Variants in PLPP3 observed in about 807,000 individuals in gnomAD.
The protein encoded by PLPP3 is phospholipid phosphatase 3, also known as PAP2 beta.
A neutral mutation model predicts 29.6 loss-of-function variants in PLPP3; 6 were observed. That is an observed-to-expected ratio of 0.20 (90% CI 0.11 to 0.40). PLPP3 has a LOEUF of 0.40. PLPP3 is among the 10% of genes least tolerant of loss of function. The pLI is 1.00. For missense variants in PLPP3, 308 were observed against 407.7 expected, an observed-to-expected ratio of 0.76 and a Z score of 2.11; for synonymous variants, 152 against 159.7, an observed-to-expected ratio of 0.95 and a Z score of 0.36.
intron 1 of PLPP3, among the ~76,000 whole-genome samples, chr1:56,558,465 A>C (rs374897405): frequency 1.8e-4 from 28 of 152,374 alleles, no homozygotes; most frequent in African/African-American, 4.1e-4. Flanking sequence ...TGTCTAATCC[A>C]TACTTTGTAC....
intron 4 of PLPP3, 106 bp downstream of exon 4, chr1:56,523,717 G>A: frequency 2.4e-6 from 3 of 1,261,874 alleles, no homozygotes; most frequent in Non-Finnish European, 3.4e-6. Flanking sequence ...TCTTTTTCAA[G>A]GATTTCACAG....
At chr1:56,557,407 G>A (rs1196763425) in intron 1 of PLPP3, among the ~76,000 whole-genome samples, 4 of 151,962 alleles carry the variant, frequency 2.6e-5, no homozygotes, top group Non-Finnish European at 5.9e-5. Context: ...GGAAGAGAAA[G>A]AAAGATTGTC....
At chr1:56,533,402 T>G (rs1351677200) in intron 2 of PLPP3, among the ~76,000 whole-genome samples, 1 of 152,124 alleles carries the variant, frequency 6.6e-6, no homozygotes, top group Non-Finnish European at 1.5e-5. Context: ...CTGGTTGTGC[T>G]GAGGTTCACT....
chr1:56,575,603 A>G (rs529062573), intron 1 of PLPP3, among the ~76,000 whole-genome samples: 1 of 152,338 alleles, frequency 6.6e-6, no homozygotes, highest in South Asian at 2.1e-4. Flanking sequence ...ATTTTCTGAT[A>G]AGAACCTGAA....
chr1:56,563,149 A>G (rs1310506372), intron 1 of PLPP3, among the ~76,000 whole-genome samples: 2 of 152,302 alleles, frequency 1.3e-5, no homozygotes, highest in African/African-American at 4.8e-5. Flanking sequence ...GACCTACTCT[A>G]AGTCCTATTT....
chr1:56,501,079 T>C (rs1645665245), intron 5 of PLPP3, among the ~76,000 whole-genome samples: 3 of 147,222 alleles, frequency 2.0e-5, no homozygotes, highest in Admixed American at 2.0e-4. Context: ...AAGCATGCAG[T>C]GAGCCTGGAG....
Position 56,524,243 on chromosome 1 carries a change from T to C in PLPP3, c.575+34A>G. 1.2e-6 allele frequency: 2 copies of C among 1,609,984 alleles called. No homozygotes were observed. The highest frequency in any genetic ancestry group is 1.7e-6 in the Non-Finnish European group (2 of 1,178,374). ...ACTGAACTGCACTGTATGAAAGGGG[T>C]CCAGGCTCTGGCCATGCGGAGGTGG... On this transcript the variant is annotated intron_variant, in intron 3 of 5. Coordinates refer to ENST00000371250, the MANE Select transcript of PLPP3 (RefSeq NM_003713.5). This position sits in a 1 kb window ranked among gnomAD's most constrained non-coding sequence, Gnocchi z 4.3.
chr1:56,557,790 C>G (rs1221886257), intron 1 of PLPP3, among the ~76,000 whole-genome samples: 1 of 152,186 alleles, frequency 6.6e-6, no homozygotes, highest in Non-Finnish European at 1.5e-5. Context: ...GTTTTGAAAT[C>G]TAAACCCTCA....
At chr1:56,563,488 G>T (rs541528855) in intron 1 of PLPP3, among the ~76,000 whole-genome samples, 6 of 152,256 alleles carry the variant, frequency 3.9e-5, no homozygotes, top group Middle Eastern at 3.4e-3. Flanking sequence ...CATTTCTGTA[G>T]AAAATTGGCC....
intron 2 of PLPP3, among the ~76,000 whole-genome samples, chr1:56,535,786 A>C (rs547413402): frequency 1.3e-5 from 2 of 152,166 alleles, no homozygotes; most frequent in Non-Finnish European, 2.9e-5. Flanking sequence ...CCAGGTCAGA[A>C]AACCAGAACC....
chr1:56,501,342 A>T (rs1406933875), intron 5 of PLPP3, among the ~76,000 whole-genome samples: 1 of 152,178 alleles, frequency 6.6e-6, no homozygotes, highest in South Asian at 2.1e-4. Flanking sequence ...AGAAATATAT[A>T]TAACTCTGCT....
intron 4 of PLPP3, among the ~76,000 whole-genome samples, chr1:56,517,553 T>G (rs1020940725): frequency 1.3e-5 from 2 of 152,216 alleles, no homozygotes; most frequent in African/African-American, 4.8e-5. Flanking sequence ...ATTCTACAGA[T>G]GAAGAAATCA....
chr1:56,572,821 CT>C (rs1233590297), intron 1 of PLPP3, among the ~76,000 whole-genome samples: 2 of 152,116 alleles, frequency 1.3e-5, no homozygotes, highest in African/African-American at 4.8e-5. Context: ...TGATTTTGAA[CT>C]TTTCAAAATG....
intron 5 of PLPP3, among the ~76,000 whole-genome samples, chr1:56,507,775 T>C (rs1336146924): frequency 4.6e-5 from 7 of 152,122 alleles, no homozygotes; most frequent in Non-Finnish European, 8.8e-5. Flanking sequence ...TCCCAGCATC[T>C]GTAAAAGAGG....
chr1:56,552,854 A>C (rs1413918850), intron 1 of PLPP3, among the ~76,000 whole-genome samples: 1 of 152,156 alleles, frequency 6.6e-6, no homozygotes, highest in Non-Finnish European at 1.5e-5. Context: ...CTAAAGACAA[A>C]AACTGAAAGA....
chr1:56,517,622 G>A (rs756283699), intron 4 of PLPP3, among the ~76,000 whole-genome samples: 7 of 152,236 alleles, frequency 4.6e-5, no homozygotes, highest in African/African-American at 7.2e-5. Context: ...TGTACATTGA[G>A]TATATTTGCC....
At chr1:56,512,804 T>C (rs1435094159) in intron 4 of PLPP3, 1 of 152,192 alleles carries the variant, frequency 6.6e-6, no homozygotes, top group African/African-American at 2.4e-5. Flanking sequence ...TTTCCTTTTA[T>C]CTTCCTCTTG....
chr1:56,571,135 C>T (rs1465065030), intron 1 of PLPP3, among the ~76,000 whole-genome samples: 1 of 152,196 alleles, frequency 6.6e-6, no homozygotes, highest in Non-Finnish European at 1.5e-5. Context: ...GGTAGAAAGG[C>T]AAGACCTTGG....
intron 2 of PLPP3, among the ~76,000 whole-genome samples, chr1:56,535,348 T>C (rs1045488211): frequency 6.6e-6 from 1 of 152,186 alleles, no homozygotes; most frequent in African/African-American, 2.4e-5. Context: ...TGTATCCCCA[T>C]ACACAGTAGC....
Sources: allele counts gnomAD v4.1 joint callset (sites outside exome capture counted in the v4.1 genomes callset), GRCh38; gene constraint gnomAD v4.1.1; non-coding constraint Gnocchi (gnomAD v3.1); transcripts MANE v1.5; gene names NCBI Gene and HGNC (gene_info 2026-07-23, HGNC 2026-07-21).